Variants in MSRA observed in about 807,000 individuals in gnomAD.
MSRA encodes the protein mitochondrial peptide methionine sulfoxide reductase.
MSRA carries 54 observed loss-of-function variants against 31.3 expected under a neutral mutation model. That is an observed-to-expected ratio of 1.73 (90% CI 1.39 to 2.17). MSRA has a LOEUF of 2.17. Among genes scored for constraint, MSRA ranks in the 30% most tolerant of loss-of-function variants. The pLI, the probability that MSRA is intolerant of heterozygous loss-of-function variation, is 0.00. For synonymous variants in MSRA, 169 were observed against 116.5 expected (o/e 1.45, Z -2.90); for missense variants, 507 against 300.9 (o/e 1.69, Z -5.07).
chr8:10,154,306 G>A (rs532466939), intron 1 of MSRA, among the ~76,000 whole-genome samples: 7 of 152,062 alleles, frequency 4.6e-5, no homozygotes, highest in Admixed American at 3.9e-4. Context: ...CAATAAGGTA[G>A]CACCCAAATC....
intron 5 of MSRA, among the ~76,000 whole-genome samples, chr8:10,402,265 C>T (rs1807512441): frequency 6.6e-6 from 1 of 152,198 alleles, no homozygotes; most frequent in East Asian, 1.9e-4. Context: ...TGGACAGAAG[C>T]TCTCTAGGGG....
chr8:10,217,442 A>C (rs753154106), intron 2 of MSRA, among the ~76,000 whole-genome samples: 12 of 152,242 alleles, frequency 7.9e-5, no homozygotes, highest in Non-Finnish European at 1.8e-4. Flanking sequence ...GTTGTATCTA[A>C]AACAAGCAAT....
chr8:10,393,316 C>T (rs1806882788), intron 5 of MSRA, among the ~76,000 whole-genome samples: 1 of 152,134 alleles, frequency 6.6e-6, no homozygotes, highest in African/African-American at 2.4e-5. Context: ...ATTATTCTTC[C>T]ATCGAATTTT....
chr8:10,409,894 C>A (rs1248587622), intron 5 of MSRA, among the ~76,000 whole-genome samples: 2 of 152,128 alleles, frequency 1.3e-5, no homozygotes, highest in African/African-American at 4.8e-5. Context: ...CCTGTCTCTA[C>A]AGAAAATAAA....
At chr8:10,272,729 G>A (rs1799113327) in intron 3 of MSRA, among the ~76,000 whole-genome samples, 1 of 152,176 alleles carries the variant, frequency 6.6e-6, no homozygotes, top group Non-Finnish European at 1.5e-5. Context: ...TCGATACTAT[G>A]TAGATTTATG....
At position 10,264,918 on chromosome 8, in the gene MSRA, A is replaced by G. The variant is rs1031568319; in HGVS notation, c.331+19695A>G. Among the ~76,000 whole-genome samples the G allele has an allele frequency of 2.0e-5, 3 of 152,232 alleles. No individual in the cohort carries two copies. In the South Asian group the frequency reaches 6.2e-4, roughly 32 times the overall value. On this transcript the variant is annotated intron_variant, in intron 3 of 5. Transcript: ENST00000317173. ...AGGTTGGCCTAGAGCCCTCTATGCG[A>G]TGAGAAGCTTGAAACCCATCTCTCA...
At chr8:10,084,506 C>G (rs752955029) in intron 1 of MSRA, among the ~76,000 whole-genome samples, 1 of 152,166 alleles carries the variant, frequency 6.6e-6, no homozygotes, top group African/African-American at 2.4e-5. Context: ...TCAATTTTAG[C>G]GGGTGGGTAT....
At chr8:10,120,199 G>C (rs1388125819) in intron 1 of MSRA, among the ~76,000 whole-genome samples, 1 of 152,176 alleles carries the variant, frequency 6.6e-6, no homozygotes, top group Non-Finnish European at 1.5e-5. Flanking sequence ...AGAGCACACA[G>C]AGACTGTCCT....
At chr8:10,150,526 C>T (rs1050049697) in intron 1 of MSRA, among the ~76,000 whole-genome samples, 1 of 152,140 alleles carries the variant, frequency 6.6e-6, no homozygotes, top group African/African-American at 2.4e-5. Context: ...TAATCAACGG[C>T]TTACTACACG....
At chr8:10,278,540 A>G (rs1322277905) in intron 3 of MSRA, among the ~76,000 whole-genome samples, 6 of 152,202 alleles carry the variant, frequency 3.9e-5, no homozygotes, top group African/African-American at 1.4e-4. Flanking sequence ...CATCAGATGG[A>G]CGGAGAGCAC....
intron 5 of MSRA, among the ~76,000 whole-genome samples, chr8:10,327,145 A>G (rs1363772225): frequency 2.0e-5 from 3 of 152,184 alleles, no homozygotes; most frequent in Non-Finnish European, 4.4e-5. Flanking sequence ...ATTAAGTTCT[A>G]ATAAGGATAA....
intron 1 of MSRA, among the ~76,000 whole-genome samples, chr8:10,066,086 G>A (rs931616592): frequency 3.3e-4 from 50 of 151,986 alleles, no homozygotes; most frequent in Non-Finnish European, 4.4e-5. Flanking sequence ...GCAGTGGCAT[G>A]ATCTCGGCTC....
At chr8:10,420,207 A>G (rs994333824) in intron 5 of MSRA, among the ~76,000 whole-genome samples, 1 of 105,276 alleles carries the variant, frequency 9.5e-6, no homozygotes, top group East Asian at 2.1e-4. Flanking sequence ...AATTCCATGT[A>G]TATGAGGGAG....
At chr8:10,418,497 T>G (rs987351285) in intron 5 of MSRA, among the ~76,000 whole-genome samples, 1 of 152,076 alleles carries the variant, frequency 6.6e-6, no homozygotes, top group Admixed American at 6.5e-5. Flanking sequence ...TCATAGGATG[T>G]AATCATGGTT....
intron 5 of MSRA, among the ~76,000 whole-genome samples, chr8:10,334,184 A>T (rs59205348): frequency 1.1e-5 from 1 of 92,812 alleles, no homozygotes; most frequent in African/African-American, 3.7e-5. Flanking sequence ...GTGTGTGTGT[A>T]TTTATGTGTG....
At position 10,316,808 on chromosome 8, in the gene MSRA, T is replaced by C. The variant is rs183224699; in HGVS notation, c.437-3075T>C. ...ACCTGGATAATAAGAAGTGCCATCT[T>C]TCACTGTGAAGGATAGAGGCTCATC... On this transcript the variant is annotated intron_variant, in intron 4 of 5. Transcript: ENST00000317173. Among the ~76,000 whole-genome samples the C allele has an allele frequency of 4.9e-3, 744 of 152,234 alleles. 29 individuals carry two copies. The highest frequency in any genetic ancestry group is 8.5e-4 in the Non-Finnish European group (58 of 68,008).
chr8:10,228,117 T>C (rs1811157871), intron 2 of MSRA, among the ~76,000 whole-genome samples: 1 of 152,094 alleles, frequency 6.6e-6, no homozygotes, highest in Non-Finnish European at 1.5e-5. Context: ...AGGGTCTGGC[T>C]GTCTCTCGTC....
chr8:10,236,819 T>A (rs911259020), intron 2 of MSRA, among the ~76,000 whole-genome samples: 2 of 152,350 alleles, frequency 1.3e-5, no homozygotes, highest in Admixed American at 1.3e-4. Flanking sequence ...ATGCTGAGAT[T>A]GCAGGCGTGA....
At chr8:10,271,079 T>TA (rs201194589) in intron 3 of MSRA, among the ~76,000 whole-genome samples, 3 of 148,514 alleles carry the variant, frequency 2.0e-5, no homozygotes, top group Non-Finnish European at 3.0e-5. Flanking sequence ...TTTTTTTTTT[T>TA]AATATTCCAT....
Sources: allele counts gnomAD v4.1 joint callset (sites outside exome capture counted in the v4.1 genomes callset), GRCh38; gene constraint gnomAD v4.1.1; transcripts MANE v1.5; gene names NCBI Gene and HGNC (gene_info 2026-07-23, HGNC 2026-07-21).